ACBD5: variants seen among roughly 807,000 people sequenced by gnomAD.
The protein encoded by ACBD5 is acyl-CoA binding domain containing 5.
ACBD5 carries 40 observed loss-of-function variants against 71.8 expected under a neutral mutation model. The ratio of observed to expected loss-of-function variants is 0.56; its 90% CI spans 0.43 to 0.72. The LOEUF (loss-of-function observed/expected upper bound fraction) is 0.72, where lower values mean the gene tolerates loss of function less well. Among genes scored for constraint, ACBD5 ranks in the 30% least tolerant of loss-of-function variants. The pLI is 0.00. For missense variants in ACBD5, 559 were observed against 644.5 expected, an observed-to-expected ratio of 0.87 and a Z score of 1.44; for synonymous variants, 229 against 218.6, an observed-to-expected ratio of 1.05 and a Z score of -0.42.
intron 5 of ACBD5, among the ~76,000 whole-genome samples, chr10:27,221,785 G>C (rs1288402621): frequency 1.3e-5 from 2 of 151,910 alleles, no homozygotes; most frequent in South Asian, 2.1e-4. Context: ...AAGAATACAA[G>C]TGTACACTTG....
In ACBD5 at chr10:27,218,095, A is replaced by C. The variant is rs1479036676; in HGVS notation, c.714T>G (p.Asp238Glu). Residue 238 changes from aspartate (D) to glutamate (E), a missense_variant, in exon 7 of 13, where the codon GAT becomes GAG. Transcript: ENST00000396271. ...NGYDKDGFVQ[D>E]IQNDIHASSS... ...AACTGGCATGAATGTCATTCTGTAT[A>C]TCCTGAACAAAGCCATCTTTATCAT... 2.5e-6 allele frequency: 4 copies of C among 1,613,982 alleles called. No individual in the cohort carries two copies. The African/African-American group carries it at 4.0e-5, about 16-fold the overall frequency.
intron 7 of ACBD5, among the ~76,000 whole-genome samples, chr10:27,217,087 A>AGT (rs2061719619): frequency 7.1e-6 from 1 of 140,502 alleles, no homozygotes; most frequent in Non-Finnish European, 1.5e-5. Context: ...CGGAGCTTGC[A>AGT]GTGAGCTGAG....
rs781503738 is a variant in ACBD5, at chr10:27,211,106, T to C, written c.937-25A>G. The C allele has an allele frequency of 1.9e-6, 3 of 1,613,180 alleles. No individual in the cohort carries two copies. In the Admixed American group the frequency reaches 5.0e-5, roughly 27 times the overall value. On this transcript the variant is annotated intron_variant, in intron 8 of 12. Coordinates refer to ENST00000396271, the MANE Select transcript of ACBD5 (RefSeq NM_145698.5). ...ACTACAAATTAGAAATGACACTTAG[T>C]TAAAAGCTAGAAATGTGAATTATAC...
chr10:27,210,628 G>GCAC (rs2060965800), intron 9 of ACBD5, among the ~76,000 whole-genome samples, 186 bp downstream of exon 9: 2 of 152,040 alleles, frequency 1.3e-5, no homozygotes, highest in African/African-American at 2.4e-5. Context: ...CATGGTGGTG[G>GCAC]GTGCCTATAA....
chr10:27,223,582 G>A (rs2062635467), intron 4 of ACBD5, 130 bp from the exon 5 acceptor site: 1 of 746,730 alleles, frequency 1.3e-6, no homozygotes, highest in East Asian at 2.7e-5. Flanking sequence ...ACTCTCTGAA[G>A]GATCTACATT....
chr10:27,215,870 T>C (rs150348462), intron 7 of ACBD5, among the ~76,000 whole-genome samples: 2,837 of 151,216 alleles, frequency 0.019, 40 homozygotes, highest in Middle Eastern at 0.031. Context: ...CAGCTAATTT[T>C]TGTTTCATTT....
chr10:27,240,492 A>T lies in ACBD5; in HGVS notation c.16-8T>A. 1.9e-6 allele frequency: 3 copies of T among 1,601,394 alleles called. No homozygotes were observed. The highest frequency in any genetic ancestry group is 2.6e-6 in the Non-Finnish European group (3 of 1,173,354). ...CCAAGAGCCTGCATGAAACTGGAAC[A>T]TGGAGCGCAGCCGCGGATCAACATG... On this transcript the variant is annotated splice_polypyrimidine_tract_variant and splice_region_variant and intron_variant, in intron 1 of 12. Transcript: ENST00000396271. This position sits in a 1 kb window ranked among gnomAD's most constrained non-coding sequence, Gnocchi z 4.1.
downstream of ACBD5, among the ~76,000 whole-genome samples, chr10:27,193,202 C>A (rs941374489): frequency 7.5e-6 from 1 of 132,922 alleles, no homozygotes; most frequent in Non-Finnish European, 1.6e-5. Context: ...TGGAGTGCAG[C>A]GGCAAGTTAA....
intron 6 of ACBD5, among the ~76,000 whole-genome samples, chr10:27,218,691 T>C (rs2137411790): frequency 6.6e-6 from 1 of 152,108 alleles, no homozygotes; most frequent in East Asian, 1.9e-4. Context: ...GTTCAAGTGA[T>C]TCTCCTGCCT....
Position 27,197,209 on chromosome 10 carries a change from G to A in ACBD5, c.*221C>T. ...ATCTGTGTATACTACTTATAACCTA[G>A]TAGAGATTGATTATTCAAGTATCAG... On this transcript the variant is annotated 3_prime_UTR_variant, in exon 13 of 13. Coordinates refer to ENST00000396271, the MANE Select transcript of ACBD5 (RefSeq NM_145698.5). 1 of 641,880 alleles carries A rather than the reference G, an allele frequency of 1.6e-6. No homozygotes were observed. The highest frequency in any genetic ancestry group is 2.9e-6 in the Non-Finnish European group (1 of 346,406). The allele number at this position is 641,880 out of a possible 1,614,324, so 39.8% of individuals were successfully genotyped here.
intron 13 of ACBD5, chr10:27,186,962 G>GAA (rs1229321289): frequency 4.1e-6 from 1 of 241,620 alleles, no homozygotes. Flanking sequence ...TTCAAAAGCT[G>GAA]TGTTCTTGAG....
At chr10:27,211,483 G>A (rs2061074353) in intron 8 of ACBD5, among the ~76,000 whole-genome samples, 1 of 152,048 alleles carries the variant, frequency 6.6e-6, no homozygotes, top group African/African-American at 2.4e-5. Flanking sequence ...GCCATGCCTG[G>A]TTAATTTTTG....
intron 12 of ACBD5, among the ~76,000 whole-genome samples, chr10:27,198,145 A>G (rs2059545882): frequency 6.6e-6 from 1 of 152,290 alleles, no homozygotes; most frequent in African/African-American, 2.4e-5. Context: ...ATCAACATGG[A>G]TTATGTTTCT....
intron 4 of ACBD5, among the ~76,000 whole-genome samples, chr10:27,228,811 ATATATTTTTTT>A (rs1331845895): frequency 2.5e-4 from 4 of 15,874 alleles, no homozygotes; most frequent in Non-Finnish European, 5.6e-4. Flanking sequence ...ATATATATAT[ATATATTTTTTT>A]TTTTTTTTTT....
At chr10:27,191,510 A>G (rs145741559), downstream of ACBD5, among the ~76,000 whole-genome samples, 60 of 152,120 alleles carry the variant, frequency 3.9e-4, no homozygotes, top group African/African-American at 1.4e-3. Flanking sequence ...GAGGTTGTGC[A>G]GGTGGGGCGG....
chr10:27,229,103 T>TG (rs1303444953), intron 4 of ACBD5, among the ~76,000 whole-genome samples: 1 of 151,018 alleles, frequency 6.6e-6, no homozygotes, highest in Non-Finnish European at 1.5e-5. Context: ...ATTACAGGCC[T>TG]GAGCCACCAC....
At chr10:27,213,375 T>G (rs905453777) in intron 8 of ACBD5, among the ~76,000 whole-genome samples, 1 of 152,088 alleles carries the variant, frequency 6.6e-6, no homozygotes, top group Non-Finnish European at 1.5e-5. Flanking sequence ...CTGGCAAGGA[T>G]GTGAAGAAAA....
At chr10:27,205,346 T>C in intron 10 of ACBD5, 98 bp from the exon 11 acceptor site, 1 of 1,191,068 alleles carries the variant, frequency 8.4e-7, no homozygotes, top group South Asian at 1.2e-5. Flanking sequence ...AATATTGAGG[T>C]TTTTTTTGGT....
At chr10:27,236,846 C>T (rs138596032) in intron 2 of ACBD5, among the ~76,000 whole-genome samples, 1 of 140,706 alleles carries the variant, frequency 7.1e-6, no homozygotes, top group African/African-American at 2.6e-5. Flanking sequence ...GATCACACCA[C>T]TGCACTACAG....
Sources: gnomAD v4.1 joint callset for allele counts (sites outside exome capture counted in the v4.1 genomes callset) on GRCh38, gnomAD v4.1.1 for gene constraint, Gnocchi (gnomAD v3.1) non-coding constraint, MANE v1.5 for transcripts, NCBI Gene and HGNC (gene_info 2026-07-23, HGNC 2026-07-21) for gene names.